The following PCDH15 variants were observed in gnomAD, a reference collection of about 807,000 sequenced individuals.
PCDH15 encodes protocadherin related 15, also known as protocadherin-15.
PCDH15 carries 129 observed loss-of-function variants against 178.5 expected under a neutral mutation model. That is an observed-to-expected ratio of 0.72 (90% CI 0.63 to 0.84). The LOEUF is 0.84. Among genes scored for constraint, PCDH15 ranks in the 40% least tolerant of loss-of-function variants. The probability of loss-of-function intolerance (pLI) is 0.00; values close to 1 mark genes in which losing one functional copy is unlikely to be tolerated. For synonymous variants in PCDH15, 800 were observed against 732.0 expected (o/e 1.09, Z -1.50); for missense variants, 2,230 against 2,099.9 (o/e 1.06, Z -1.21).
intron 3 of PCDH15, among the ~76,000 whole-genome samples, chr10:54,492,984 G>C (rs937577639): frequency 6.6e-6 from 1 of 152,060 alleles, no homozygotes; most frequent in African/African-American, 2.4e-5. Context: ...GATGGCAGCA[G>C]GCAAAGAGAG....
chr10:55,489,227 T>G (rs1229003342), intron 2 of PCDH15, among the ~76,000 whole-genome samples: 1 of 151,554 alleles, frequency 6.6e-6, no homozygotes, highest in African/African-American at 2.4e-5. Flanking sequence ...TACCTATCTT[T>G]CAACATTCTC....
chr10:55,456,908 C>A lies in PCDH15; in HGVS notation c.-156+170717G>T, dbSNP rs375322607. Among the ~76,000 whole-genome samples the A allele has an allele frequency of 2.6e-5, 4 of 151,952 alleles. No homozygotes were observed. The East Asian group carries it at 5.8e-4, about 22-fold the overall frequency. On this transcript the variant is annotated intron_variant, in intron 2 of 5. Transcript: ENST00000613346. ...TAGAGGCTTTATCATTCTTCCTGAG[C>A]AAATTATCAGAAAGAATGCTATATT... is the stretch of plus-strand genomic sequence containing the variant.
intron 23 of PCDH15, among the ~76,000 whole-genome samples, chr10:53,958,422 G>A (rs1442091795): frequency 1.3e-5 from 2 of 152,126 alleles, no homozygotes; most frequent in Admixed American, 1.3e-4. Context: ...TGTTAATCAT[G>A]TTCAAATATA....
intron 3 of PCDH15, among the ~76,000 whole-genome samples, chr10:54,465,138 A>C (rs1170459071): frequency 6.6e-6 from 1 of 152,104 alleles, no homozygotes; most frequent in Non-Finnish European, 1.5e-5. Flanking sequence ...TTATTGATAC[A>C]TAGCATTTGT....
At chr10:53,911,614 G>C (rs1029104095) in intron 25 of PCDH15, among the ~76,000 whole-genome samples, 11 of 152,156 alleles carry the variant, frequency 7.2e-5, no homozygotes, top group Admixed American at 7.2e-4. Context: ...AGAACTGAAG[G>C]AGATAGAAAC....
chr10:54,847,784 C>T (rs535163351), intron 3 of PCDH15, among the ~76,000 whole-genome samples: 3 of 152,098 alleles, frequency 2.0e-5, no homozygotes, highest in Non-Finnish European at 4.4e-5. Context: ...CTATTTTAAG[C>T]CTCATTAAAT....
intron 3 of PCDH15, among the ~76,000 whole-genome samples, chr10:54,840,767 G>C (rs546424383): frequency 2.0e-5 from 3 of 151,916 alleles, no homozygotes; most frequent in African/African-American, 4.8e-5. Flanking sequence ...AACCAAGAGA[G>C]AGCAGAGTAG....
intron 32 of PCDH15, chr10:53,823,189 A>C (rs1393612499): frequency 6.2e-7 from 1 of 1,613,952 alleles, no homozygotes; most frequent in Non-Finnish European, 8.5e-7. Context: ...AGAAATGTGA[A>C]TTTTCTTGCA....
At chr10:55,029,184 C>A (rs1425044840) in intron 2 of PCDH15, among the ~76,000 whole-genome samples, 2 of 151,926 alleles carry the variant, frequency 1.3e-5, no homozygotes, top group Admixed American at 1.3e-4. Context: ...AATAAAATTC[C>A]CGGCCATATT....
At chr10:54,617,755 CA>C (rs71010398) in intron 2 of PCDH15, among the ~76,000 whole-genome samples, 1,230 of 117,080 alleles carry the variant, frequency 0.011, 16 homozygotes, top group African/African-American at 0.035. Flanking sequence ...TCTAAAAATA[CA>C]AAAAAAAAAA....
intron 2 of PCDH15, among the ~76,000 whole-genome samples, chr10:55,024,194 T>C (rs575768725): frequency 7.3e-4 from 107 of 146,922 alleles, no homozygotes; most frequent in African/African-American, 2.3e-3. Flanking sequence ...GGAAGGAATA[T>C]ATATATATAT....
At chr10:55,599,005 C>T (rs183400195) in intron 2 of PCDH15, among the ~76,000 whole-genome samples, 37 of 152,140 alleles carry the variant, frequency 2.4e-4, no homozygotes, top group Admixed American at 1.8e-3. Flanking sequence ...CATTTACCCT[C>T]GACAAAAGTA....
chr10:54,992,638 C>T (rs184902099), intron 2 of PCDH15, among the ~76,000 whole-genome samples: 4,764 of 151,870 alleles, frequency 0.031, 129 homozygotes, highest in Non-Finnish European at 0.048. Flanking sequence ...GCTTGTAGTC[C>T]CAGCTACTCG....
At chr10:55,170,347 A>G (rs958424074) in intron 1 of PCDH15, among the ~76,000 whole-genome samples, 3 of 151,792 alleles carry the variant, frequency 2.0e-5, no homozygotes, top group African/African-American at 7.3e-5. Flanking sequence ...ACAAGTCTTG[A>G]TATGTTGGCC....
intron 2 of PCDH15, among the ~76,000 whole-genome samples, chr10:54,930,581 G>A (rs1837747934): frequency 6.6e-6 from 1 of 152,060 alleles, no homozygotes; most frequent in East Asian, 1.9e-4. Flanking sequence ...TGTGTGACTA[G>A]CTTGGTCAAG....
chr10:55,243,001 T>G (rs1841593389), intron 1 of PCDH15, among the ~76,000 whole-genome samples: 1 of 152,200 alleles, frequency 6.6e-6, no homozygotes, highest in Non-Finnish European at 1.5e-5. Context: ...CAGATATTTT[T>G]TCTAGAGGAA....
intron 21 of PCDH15, among the ~76,000 whole-genome samples, chr10:53,962,094 T>C (rs1411988027): frequency 6.6e-6 from 1 of 152,132 alleles, no homozygotes; most frequent in Admixed American, 6.6e-5. Flanking sequence ...GTATCTCTAC[T>C]ACAGGTTATT....
intron 3 of PCDH15, among the ~76,000 whole-genome samples, chr10:54,847,834 G>A (rs1245745345): frequency 6.6e-6 from 1 of 152,140 alleles, no homozygotes; most frequent in African/African-American, 2.4e-5. Flanking sequence ...GAATACTGAT[G>A]TTCAGAATTT....
chr10:55,500,869 G>C (rs1304801014), intron 2 of PCDH15, among the ~76,000 whole-genome samples: 1 of 151,702 alleles, frequency 6.6e-6, no homozygotes, highest in Non-Finnish European at 1.5e-5. Context: ...ATATTGATTA[G>C]TTGACTCTTT....
Sources: gnomAD v4.1 joint callset for allele counts (sites outside exome capture counted in the v4.1 genomes callset) on GRCh38, gnomAD v4.1.1 for gene constraint, MANE v1.5 for transcripts, NCBI Gene and HGNC (gene_info 2026-07-23, HGNC 2026-07-21) for gene names.